NACC2: variants seen among roughly 807,000 people sequenced by gnomAD.
NACC2 encodes nucleus accumbens-associated protein 2.
In NACC2, 8 loss-of-function variants were observed where a neutral mutation model predicts 25.1. The observed-to-expected ratio is 0.32, with a 90% CI of 0.19 to 0.57. NACC2 has a LOEUF of 0.57. Among genes scored for constraint, NACC2 ranks in the 20% least tolerant of loss-of-function variants. The pLI, the probability that NACC2 is intolerant of heterozygous loss-of-function variation, is 0.89. For synonymous variants in NACC2, 435 were observed against 294.7 expected (o/e 1.48, Z -4.88); for missense variants, 644 against 650.2 (o/e 0.99, Z 0.10).
chr9:136,023,279 T>C (rs996056744), intron 2 of NACC2, among the ~76,000 whole-genome samples: 6 of 151,572 alleles, frequency 4.0e-5, no homozygotes, highest in Non-Finnish European at 5.9e-5. Flanking sequence ...GAATCCTCAC[T>C]GGCACCCCCA....
intron 1 of NACC2, among the ~76,000 whole-genome samples, chr9:136,065,665 G>A (rs1841070768): frequency 6.6e-6 from 1 of 151,958 alleles, no homozygotes; most frequent in African/African-American, 2.4e-5. Context: ...AATTAGCCAG[G>A]AGTGGTGGCA....
chr9:136,053,466 G>C (rs1033782468), intron 1 of NACC2, among the ~76,000 whole-genome samples: 1 of 152,108 alleles, frequency 6.6e-6, no homozygotes, highest in African/African-American at 2.4e-5. Flanking sequence ...GGGCTCCACC[G>C]GGCCAGGAGA....
At position 136,092,549 on chromosome 9, in the gene NACC2, G is replaced by C. The variant is rs546212914; in HGVS notation, c.-60+2640C>G. Among the ~76,000 whole-genome samples, 4 of 152,304 alleles carry C rather than the reference G, an allele frequency of 2.6e-5. No homozygotes were observed. The East Asian group carries it at 7.7e-4, about 29-fold the overall frequency. On this transcript the variant is annotated intron_variant, in intron 1 of 5. Transcript: ENST00000277554. ...AGCCACGCCTGGAAGCCCAGCCCCA[G>C]GTTTCCTCAGCCCAGGCCAGAAATG...
chr9:136,061,859 A>T (rs7866192), intron 1 of NACC2, among the ~76,000 whole-genome samples: 1 of 152,068 alleles, frequency 6.6e-6, no homozygotes, highest in African/African-American at 2.4e-5. Context: ...GTGGCTCACA[A>T]CTGTAATCCC....
At chr9:136,056,365 G>A (rs1840924865) in intron 1 of NACC2, among the ~76,000 whole-genome samples, 1 of 152,146 alleles carries the variant, frequency 6.6e-6, no homozygotes, top group Admixed American at 6.5e-5. Flanking sequence ...CCCCACAAAA[G>A]CCAGGATGGC....
chr9:136,054,907 G>A (rs993071775), intron 1 of NACC2, among the ~76,000 whole-genome samples: 20 of 152,272 alleles, frequency 1.3e-4, no homozygotes, highest in Admixed American at 3.3e-4. Context: ...CCACTTTGGA[G>A]AACCTCTGCA....
chr9:136,041,886 G>A (rs1279593325), intron 2 of NACC2, among the ~76,000 whole-genome samples: 1 of 152,182 alleles, frequency 6.6e-6, no homozygotes, highest in African/African-American at 2.4e-5. Flanking sequence ...TTGTTAAGAG[G>A]TCAGTTCTTC....
intron 1 of NACC2, among the ~76,000 whole-genome samples, chr9:136,067,880 G>T (rs1346665181): frequency 6.6e-6 from 1 of 152,204 alleles, no homozygotes; most frequent in Non-Finnish European, 1.5e-5. Flanking sequence ...CCTAACTGTG[G>T]TTAGGCTATA....
intron 2 of NACC2, among the ~76,000 whole-genome samples, chr9:136,043,258 C>T (rs1840672199): frequency 6.6e-6 from 1 of 152,206 alleles, no homozygotes; most frequent in East Asian, 1.9e-4. Context: ...ATATAGGGAA[C>T]TCTTAAAATC....
At chr9:136,066,415 T>G (rs2131174662) in intron 1 of NACC2, among the ~76,000 whole-genome samples, 1 of 152,266 alleles carries the variant, frequency 6.6e-6, no homozygotes, top group Non-Finnish European at 1.5e-5. Flanking sequence ...TCAGCATCAT[T>G]AGCCGTCAGG....
chr9:136,057,971 G>T (rs1436603615), intron 1 of NACC2, among the ~76,000 whole-genome samples: 1 of 152,236 alleles, frequency 6.6e-6, no homozygotes, highest in African/African-American at 2.4e-5. Context: ...AATATTCATA[G>T]CTCTCCTCAT....
chr9:136,018,899 TC>T lies in NACC2; in HGVS notation c.887-2471del, dbSNP rs538297091. On this transcript the variant is annotated intron_variant, in intron 2 of 5. Transcript: ENST00000277554. The surrounding 1 kb of genome is among the most constrained non-coding windows in gnomAD (Gnocchi z 4.4). ...TAAAGAGTTCACCAACAGAAATAAT[TC>T]CCCATCCACAACCACCTCGTCTCGA... Among the ~76,000 whole-genome samples, 25 of 151,362 alleles carry T rather than the reference TC, an allele frequency of 1.7e-4. No individual in the cohort carries two copies. In the East Asian group the frequency reaches 4.1e-3, roughly 25 times the overall value.
chr9:136,052,727 C>A (rs1032419222), intron 1 of NACC2, among the ~76,000 whole-genome samples: 1 of 152,212 alleles, frequency 6.6e-6, no homozygotes, highest in Non-Finnish European at 1.5e-5. Context: ...CCTGAGAGGT[C>A]CCAGCAGAGG....
At chr9:136,025,115 G>A (rs1429833519) in intron 2 of NACC2, among the ~76,000 whole-genome samples, 1 of 152,384 alleles carries the variant, frequency 6.6e-6, no homozygotes. Context: ...CAGCCAAGAG[G>A]AGGGGTTCTG....
intron 1 of NACC2, among the ~76,000 whole-genome samples, chr9:136,065,905 A>C (rs937726321): frequency 1.3e-5 from 2 of 152,110 alleles, no homozygotes; most frequent in African/African-American, 4.8e-5. Flanking sequence ...TAAAGAAAGT[A>C]AAAAGAGGCC....
At chr9:136,016,820 C>T (rs958229068) in intron 2 of NACC2, among the ~76,000 whole-genome samples, 7 of 152,076 alleles carry the variant, frequency 4.6e-5, no homozygotes, top group Non-Finnish European at 1.0e-4. Flanking sequence ...AGGGAGAGTA[C>T]GGCGCAAGAC....
At chr9:136,064,191 A>AT (rs1554741308) in intron 1 of NACC2, among the ~76,000 whole-genome samples, 2 of 151,974 alleles carry the variant, frequency 1.3e-5, no homozygotes, top group Non-Finnish European at 1.5e-5. Flanking sequence ...CAGGAGGCTG[A>AT]GGGGGGAGAA....
chr9:136,057,637 C>T (rs181334548), intron 1 of NACC2, among the ~76,000 whole-genome samples: 56 of 152,314 alleles, frequency 3.7e-4, no homozygotes, highest in African/African-American at 8.9e-4. Context: ...AGCGCCAGCT[C>T]CAGCGCAGGG....
intron 2 of NACC2, among the ~76,000 whole-genome samples, chr9:136,024,676 G>A (rs1430683096): frequency 6.6e-6 from 1 of 152,182 alleles, no homozygotes; most frequent in Admixed American, 6.5e-5. Context: ...CATTAGCTAT[G>A]CAAAAATAAA....
Sources: allele counts gnomAD v4.1 joint callset (sites outside exome capture counted in the v4.1 genomes callset), GRCh38; gene constraint gnomAD v4.1.1; non-coding constraint Gnocchi (gnomAD v3.1); transcripts MANE v1.5; gene names NCBI Gene and HGNC (gene_info 2026-07-23, HGNC 2026-07-21).